Variants in UNC13C observed in about 807,000 individuals in gnomAD.
The protein encoded by UNC13C is unc-13 homolog C.
A neutral mutation model predicts 245.4 loss-of-function variants in UNC13C; 174 were observed. The ratio of observed to expected loss-of-function variants is 0.71; its 90% confidence interval spans 0.63 to 0.80. The LOEUF (loss-of-function observed/expected upper bound fraction) is 0.80. Ranked by LOEUF, UNC13C falls within the 30% of genes least tolerant of loss-of-function variation. The pLI, the probability that UNC13C is intolerant of heterozygous loss-of-function variation, is 0.00. For missense variants in UNC13C, 2,829 were observed against 2,602.9 expected (o/e 1.09, Z -1.89); for synonymous variants, 992 against 895.1 (o/e 1.11, Z -1.93).
At chr15:53,978,190 C>T (rs1012370382), upstream of UNC13C, among the ~76,000 whole-genome samples, 1 of 152,232 alleles carries the variant, frequency 6.6e-6, no homozygotes, top group Non-Finnish European at 1.5e-5. Context: ...AGGTCATCAT[C>T]CAGCGATAAA....
chr15:54,344,316 A>G (rs2038808370), intron 17 of UNC13C, among the ~76,000 whole-genome samples: 1 of 152,220 alleles, frequency 6.6e-6, no homozygotes. Flanking sequence ...CTTCGTAGGT[A>G]GTTCCCATAA....
rs954146153 is a variant in UNC13C at position 54,326,347 on chromosome 15, A to T, written c.4425+4252A>T. Among the ~76,000 whole-genome samples the T allele has an allele frequency of 7.2e-5, 11 of 152,186 alleles. No individual in the cohort carries two copies. In the South Asian group the frequency reaches 2.3e-3, roughly 32 times the overall value. On this transcript the variant is annotated intron_variant, in intron 14 of 32. Coordinates refer to ENST00000260323, the MANE Select transcript of UNC13C (RefSeq NM_001080534.3). ...GAATGTTTCAGGGACATGTAAAAGA[A>T]ATTCCTAGTAAACTGAAAGTGTCAT...
intron 12 of UNC13C, among the ~76,000 whole-genome samples, chr15:54,299,912 AG>A: frequency 6.6e-6 from 1 of 152,296 alleles, no homozygotes; most frequent in South Asian, 2.1e-4. Context: ...TAGGTTACAA[AG>A]CCTGTTACTG....
At chr15:54,440,736 T>C (rs1183457730) in intron 19 of UNC13C, among the ~76,000 whole-genome samples, 2 of 152,096 alleles carry the variant, frequency 1.3e-5, no homozygotes, top group Non-Finnish European at 2.9e-5. Flanking sequence ...ATCTCTATAC[T>C]GTTTTCCATA....
the UNC13C span, among the ~76,000 whole-genome samples, chr15:53,919,217 T>C: frequency 6.6e-6 from 1 of 152,326 alleles, no homozygotes; most frequent in African/African-American, 2.4e-5. Flanking sequence ...AATTATGGTG[T>C]CTCAACTACT....
chr15:54,558,247 T>C (rs1421422438), intron 29 of UNC13C, among the ~76,000 whole-genome samples: 1 of 151,964 alleles, frequency 6.6e-6, no homozygotes, highest in Non-Finnish European at 1.5e-5. Context: ...AAACTTAAAG[T>C]ATAATAATAA....
chr15:54,311,672 A>T (rs1475307120), intron 13 of UNC13C, among the ~76,000 whole-genome samples: 1 of 151,734 alleles, frequency 6.6e-6, no homozygotes, highest in East Asian at 1.9e-4. Context: ...TTAAACTGGT[A>T]TCTATTTTAC....
chr15:54,519,355 A>T (rs1895118623), intron 24 of UNC13C, among the ~76,000 whole-genome samples: 1 of 152,172 alleles, frequency 6.6e-6, no homozygotes, highest in African/African-American at 2.4e-5. Flanking sequence ...ATATTCACTA[A>T]CTCAAAACTA....
At chr15:54,172,148 C>A (rs889568725) in intron 4 of UNC13C, among the ~76,000 whole-genome samples, 1 of 151,642 alleles carries the variant, frequency 6.6e-6, no homozygotes, top group Non-Finnish European at 1.5e-5. Flanking sequence ...TTAATGAATA[C>A]AAAAATAGAG....
intron 2 of UNC13C, among the ~76,000 whole-genome samples, chr15:54,054,788 A>G (rs1234667846): frequency 6.6e-6 from 1 of 151,738 alleles, no homozygotes; most frequent in Non-Finnish European, 1.5e-5. Flanking sequence ...CATTTTCACG[A>G]ACATATTTAT....
intron 17 of UNC13C, among the ~76,000 whole-genome samples, chr15:54,357,153 G>T (rs1274027910): frequency 6.6e-6 from 1 of 151,872 alleles, no homozygotes; most frequent in African/African-American, 2.4e-5. Context: ...AATCTCATCC[G>T]ATCTTTCCGT....
At chr15:53,990,079 T>C (rs1007388393) in intron 1 of UNC13C, among the ~76,000 whole-genome samples, 2 of 152,044 alleles carry the variant, frequency 1.3e-5, no homozygotes, top group Non-Finnish European at 2.9e-5. Flanking sequence ...AAACGGGCCA[T>C]GATAACCAGG....
intron 4 of UNC13C, among the ~76,000 whole-genome samples, chr15:54,168,819 CA>C (rs2141280057): frequency 6.6e-6 from 1 of 152,194 alleles, no homozygotes; most frequent in East Asian, 1.9e-4. Context: ...GCATATGATA[CA>C]TTTTTAACAA....
At chr15:53,839,572 G>A in the UNC13C span, among the ~76,000 whole-genome samples, 2 of 151,676 alleles carry the variant, frequency 1.3e-5, no homozygotes, top group African/African-American at 4.8e-5. Flanking sequence ...ATATTTTAAC[G>A]TTGACTTCTA....
At position 54,532,906 on chromosome 15, in the gene UNC13C, T is replaced by C. The variant is rs1295900831; in HGVS notation, c.5547-11T>C. 6.8e-7 allele frequency: 1 copy of C among 1,471,110 alleles called. No homozygotes were observed. Among genetic ancestry groups the C allele is most frequent in the Admixed American group, 2.2e-5 (1 of 46,414 alleles). The allele number at this position is 1,471,110 out of a possible 1,614,324, so 91.1% of individuals were successfully genotyped here. A position where few individuals can be genotyped will look rare whatever the true frequency, so the allele number is the denominator to read the frequency against. ...TTCTTATATTTTAGAATTTATATTC[T>C]TTATTTTTAGTTTCCAGGTTATAAT... On this transcript the variant is annotated splice_polypyrimidine_tract_variant and intron_variant, in intron 25 of 32. Transcript: ENST00000260323.
At chr15:54,304,601 C>G (rs193145742) in intron 13 of UNC13C, among the ~76,000 whole-genome samples, 86 of 140,062 alleles carry the variant, frequency 6.1e-4, no homozygotes, top group Admixed American at 5.8e-3. Flanking sequence ...AGAGCATTTA[C>G]TTTAGAAAAC....
chr15:54,100,391 C>A (rs1900102073), intron 2 of UNC13C, among the ~76,000 whole-genome samples: 1 of 152,152 alleles, frequency 6.6e-6, no homozygotes, highest in Non-Finnish European at 1.5e-5. Context: ...TTCTTTGACA[C>A]CACATTCATT....
chr15:53,994,183 C>T lies in UNC13C; in HGVS notation c.-257+15256C>T, dbSNP rs115151743. On this transcript the variant is annotated intron_variant, in intron 1 of 32. Transcript: ENST00000260323. Reference sequence around the variant, plus strand: ...ACGTTACACGTATAATTTGGTATCCCACAATAAGAATATCAAATTTTTAAA... The same window carrying T: ...ACGTTACACGTATAATTTGGTATCCTACAATAAGAATATCAAATTTTTAAA... 2.6e-3 allele frequency among the ~76,000 whole-genome samples: 308 copies of T among 119,058 alleles called. 8 individuals are homozygous for T. Among genetic ancestry groups the T allele is most frequent in the African/African-American group, 0.011 (295 of 26,318 alleles). The allele number at this position is 119,058 out of a possible 152,430, so 78.1% of individuals were successfully genotyped here.
At chr15:54,571,109 A>G (rs989605886) in intron 30 of UNC13C, among the ~76,000 whole-genome samples, 12 of 152,314 alleles carry the variant, frequency 7.9e-5, no homozygotes, top group African/African-American at 2.9e-4. Context: ...CATGGTGTCA[A>G]AAATGACCAA....
Sources: allele counts gnomAD v4.1 joint callset (sites outside exome capture counted in the v4.1 genomes callset), GRCh38; gene constraint gnomAD v4.1.1; transcripts MANE v1.5; gene names NCBI Gene and HGNC (gene_info 2026-07-23, HGNC 2026-07-21).